PCDHGA8: variants seen among roughly 807,000 people sequenced by gnomAD.
The protein encoded by PCDHGA8 is protocadherin gamma subfamily A, 8, also known as protocadherin gamma-A8.
A neutral mutation model predicts 59.2 loss-of-function variants in PCDHGA8; 45 were observed. The observed-to-expected ratio is 0.76, with a 90% CI of 0.60 to 0.98. The LOEUF (loss-of-function observed/expected upper bound fraction) is 0.98, where lower values mean the gene tolerates loss of function less well. Among genes scored for constraint, PCDHGA8 ranks in the 50% least tolerant of loss-of-function variants. The pLI is 0.00. For missense variants in PCDHGA8, 1,257 were observed against 1,196.2 expected, an observed-to-expected ratio of 1.05 and a Z score of -0.75; for synonymous variants, 531 against 519.0, an observed-to-expected ratio of 1.02 and a Z score of -0.32.
intron 1 of PCDHGA8, chr5:141,402,800 C>A: frequency 9.3e-7 from 1 of 1,072,728 alleles, no homozygotes; most frequent in Non-Finnish European, 1.3e-6. Flanking sequence ...ACACAAAACC[C>A]GGCAGATACC....
At chr5:141,403,001 T>C (rs1189114508) in intron 1 of PCDHGA8, 11 of 1,613,878 alleles carry the variant, frequency 6.8e-6, no homozygotes, top group African/African-American at 1.3e-5. Flanking sequence ...AGTCCTGCTA[T>C]GCTCGCTCCT....
chr5:141,447,848 G>A (rs539844218), intron 1 of PCDHGA8, among the ~76,000 whole-genome samples: 46 of 152,302 alleles, frequency 3.0e-4, no homozygotes, highest in East Asian at 2.7e-3. Context: ...TGCTTTGGGA[G>A]GCCGAGGTGG....
rs2099883775 is a variant in PCDHGA8 at position 141,511,415 on chromosome 5, A to G, written c.*242A>G. On this transcript the variant is annotated 3_prime_UTR_variant, in exon 4 of 4. Transcript: ENST00000398604. ...CCCCATCCAATCAACTGCTGTACCC[A>G]TGGGGGTAGTGGGGTTACTGTAGAC... 1.2e-6 allele frequency: 1 copy of G among 868,992 alleles called. No individual in the cohort carries two copies. The highest frequency in any genetic ancestry group is 2.9e-5 in the East Asian group (1 of 34,592). The allele number at this position is 868,992 out of a possible 1,614,324, so 53.8% of individuals were successfully genotyped here.
At chr5:141,398,575 A>G in intron 1 of PCDHGA8, 1 of 1,614,046 alleles carries the variant, frequency 6.2e-7, no homozygotes, top group South Asian at 1.1e-5. Flanking sequence ...ACAGCCTGGC[A>G]CAAGATTTAT....
At position 141,432,963 on chromosome 5, in the gene PCDHGA8, C is replaced by T. The variant is rs1382354299; in HGVS notation, c.2424+37726C>T. 1.5e-5 allele frequency: 24 copies of T among 1,614,046 alleles called. 1 individual carries two copies. In the South Asian group the frequency reaches 2.3e-4, roughly 16 times the overall value. On this transcript the variant is annotated intron_variant, in intron 1 of 3. Transcript: ENST00000398604. The surrounding 1 kb of genome is among the most constrained non-coding windows in gnomAD (Gnocchi z 6.0). ...GCTTCAGGAGGCGGCTTGACAGGAG[C>T]GCCGGCGTCGCACTTTGTGGGCGTG...
chr5:141,472,281 C>A (rs944776124), intron 1 of PCDHGA8, among the ~76,000 whole-genome samples: 2 of 152,202 alleles, frequency 1.3e-5, no homozygotes, highest in Non-Finnish European at 2.9e-5. Context: ...GTGGCTCACA[C>A]CTGTAATCCC....
At chr5:141,497,807 T>G (rs2099779585) in intron 2 of PCDHGA8, among the ~76,000 whole-genome samples, 1 of 152,210 alleles carries the variant, frequency 6.6e-6, no homozygotes, top group African/African-American at 2.4e-5. Context: ...CCCAAAGTGC[T>G]AGAATTACAG....
intron 1 of PCDHGA8, chr5:141,478,171 G>A (rs141465380): frequency 7.3e-5 from 118 of 1,613,942 alleles, no homozygotes; most frequent in African/African-American, 1.5e-4. Flanking sequence ...CCCCCCGGGA[G>A]CAGAAAAAAA....
chr5:141,481,646 C>T (rs1425216422), intron 1 of PCDHGA8, among the ~76,000 whole-genome samples: 1 of 151,950 alleles, frequency 6.6e-6, no homozygotes, highest in African/African-American at 2.4e-5. Flanking sequence ...GGTGAAACTT[C>T]ATCTCTACTA....
At chr5:141,445,808 T>A (rs1004030960) in intron 1 of PCDHGA8, among the ~76,000 whole-genome samples, 1 of 152,182 alleles carries the variant, frequency 6.6e-6, no homozygotes, top group Non-Finnish European at 1.5e-5. Flanking sequence ...AATAAATAGA[T>A]GAAACTAATA....
intron 1 of PCDHGA8, chr5:141,399,649 G>T: frequency 1.2e-6 from 2 of 1,613,794 alleles, no homozygotes; most frequent in African/African-American, 1.3e-5. Flanking sequence ...CGCGCAAAGT[G>T]GGGTGGTGTT....
chr5:141,414,684 A>G (rs747750994), intron 1 of PCDHGA8: 6 of 1,613,806 alleles, frequency 3.7e-6, no homozygotes, highest in Non-Finnish European at 5.1e-6. Flanking sequence ...TCCAGGGGGT[A>G]CCTCTGTCCT....
rs532087470 is a variant in PCDHGA8, at chr5:141,414,020, C to T, written c.2424+18783C>T. 9 of 1,612,620 alleles carry T rather than the reference C, an allele frequency of 5.6e-6. No homozygotes were observed. The East Asian group carries it at 1.8e-4, about 32-fold the overall frequency. The stretch of plus-strand genomic sequence containing the variant: ...GACGAAGGTGCCAATGGAGAAGTGA[C>T]ATATTCATTCCGAAAATTACCTGAC... On this transcript the variant is annotated intron_variant, in intron 1 of 3. Transcript: ENST00000398604.
intron 1 of PCDHGA8, chr5:141,478,446 G>A: frequency 6.2e-7 from 1 of 1,613,520 alleles, no homozygotes; most frequent in Non-Finnish European, 8.5e-7. Flanking sequence ...AAGAAACCTG[G>A]TGCAGCCAGT....
At chr5:141,424,682 C>A (rs1421088073) in intron 1 of PCDHGA8, 1 of 152,062 alleles carries the variant, frequency 6.6e-6, no homozygotes, top group Non-Finnish European at 1.5e-5. Flanking sequence ...AGCTAGTATC[C>A]TTCTGGCTAT....
intron 1 of PCDHGA8, chr5:141,415,857 T>G (rs1271614762): frequency 1.7e-6 from 2 of 1,194,900 alleles, no homozygotes; most frequent in Non-Finnish European, 2.2e-6. Flanking sequence ...AACCTTGTAG[T>G]TTATAGTGTT....
chr5:141,422,685 C>G lies in PCDHGA8; in HGVS notation c.2424+27448C>G, dbSNP rs754112462. The G allele has an allele frequency of 2.5e-6, 4 of 1,605,144 alleles. No individual in the cohort carries two copies. The South Asian group carries it at 4.5e-5, about 18-fold the overall frequency. On this transcript the variant is annotated intron_variant, in intron 1 of 3. Coordinates refer to ENST00000398604, the MANE Select transcript of PCDHGA8 (RefSeq NM_032088.2). ...TCGACCCGGACAGCAAACAGAATGCCCTGGTCACTTACTCTCTGACGGATG... is the reference window on the plus strand; with the variant it reads ...TCGACCCGGACAGCAAACAGAATGCGCTGGTCACTTACTCTCTGACGGATG...
Position 141,485,175 on chromosome 5 carries a change from T to C in PCDHGA8, c.2425-9632T>C, listed in dbSNP as rs2099608731. ...GTAGAGAATTAGCGGGCGGCAGCAA[T>C]GCTCCGCAAGGTGAGAAGCTGGACA... On this transcript the variant is annotated intron_variant, in intron 1 of 3. Coordinates refer to ENST00000398604, the MANE Select transcript of PCDHGA8 (RefSeq NM_032088.2). The surrounding 1 kb of genome is among the most constrained non-coding windows in gnomAD (Gnocchi z 5.7). 6.2e-7 allele frequency: 1 copy of C among 1,611,486 alleles called. No homozygotes were observed. Among genetic ancestry groups the C allele is most frequent in the Non-Finnish European group, 8.5e-7 (1 of 1,177,998 alleles).
intron 1 of PCDHGA8, chr5:141,415,799 C>T (rs1037967294): frequency 5.2e-6 from 7 of 1,335,782 alleles, no homozygotes; most frequent in Non-Finnish European, 6.7e-6. Context: ...CACCTAGTCT[C>T]AATCAAGGCC....
Sources: allele counts gnomAD v4.1 joint callset (sites outside exome capture counted in the v4.1 genomes callset), GRCh38; gene constraint gnomAD v4.1.1; non-coding constraint Gnocchi (gnomAD v3.1); transcripts MANE v1.5; gene names NCBI Gene and HGNC (gene_info 2026-07-23, HGNC 2026-07-21).